The following XXYLT1 variants were observed in gnomAD, a reference collection of about 807,000 sequenced individuals.
The protein encoded by XXYLT1 is UDP-xylose:alpha-xyloside alpha-1,3-xylosyltransferase.
Under a neutral mutation model 28.9 loss-of-function variants are expected in XXYLT1, and 20 were observed. That is an observed-to-expected ratio of 0.69 (90% CI 0.49 to 1.00). XXYLT1 has a LOEUF of 1.00. XXYLT1 is among the 50% of genes least tolerant of loss of function. XXYLT1 has a pLI of 0.00. For synonymous variants in XXYLT1, 257 were observed against 253.8 expected (o/e 1.01, Z -0.12); for missense variants, 542 against 560.1 (o/e 0.97, Z 0.33).
chr3:195,220,453 C>T (rs1030368299), intron 2 of XXYLT1, among the ~76,000 whole-genome samples: 2 of 152,156 alleles, frequency 1.3e-5, no homozygotes, highest in Admixed American at 1.3e-4. Flanking sequence ...CGGGCCCATG[C>T]TCTTAACCAC....
chr3:195,155,613 G>C (rs1191201461), intron 3 of XXYLT1, among the ~76,000 whole-genome samples: 2 of 151,836 alleles, frequency 1.3e-5, no homozygotes, highest in Non-Finnish European at 2.9e-5. Flanking sequence ...AAGCTAAGTG[G>C]GGAACTGAGA....
chr3:195,173,494 A>C lies in XXYLT1; in HGVS notation c.653-16913T>G, dbSNP rs903107014. 6.6e-6 allele frequency among the ~76,000 whole-genome samples: 1 copy of C among 152,176 alleles called. No homozygotes were observed. Among genetic ancestry groups the C allele is most frequent in the African/African-American group, 2.4e-5 (1 of 41,424 alleles). On this transcript the variant is annotated intron_variant, in intron 2 of 3. Transcript: ENST00000310380. The surrounding 1 kb of genome is among the most constrained non-coding windows in gnomAD (Gnocchi z 4.3). ...AGCTCCCAGCACAGCCTTGCTATGC[A>C]CCTAAAAACGGACATGAAACTCTAT... is the stretch of plus-strand genomic sequence containing the variant.
chr3:195,221,042 G>C (rs1196090965), intron 2 of XXYLT1, among the ~76,000 whole-genome samples: 1 of 152,122 alleles, frequency 6.6e-6, no homozygotes, highest in Admixed American at 6.6e-5. Flanking sequence ...GATATGATGT[G>C]AGGGAAACAG....
chr3:195,184,829 C>G, intron 2 of XXYLT1: 1 of 984,878 alleles, frequency 1.0e-6, no homozygotes, highest in Non-Finnish European at 1.2e-6. Flanking sequence ...CCTTTCAGGC[C>G]AAATCATTCT....
intron 2 of XXYLT1, among the ~76,000 whole-genome samples, chr3:195,202,320 A>G (rs1722893376): frequency 6.6e-6 from 1 of 151,724 alleles, no homozygotes; most frequent in African/African-American, 2.4e-5. Flanking sequence ...AAAGATACCA[A>G]CATTGAGAAC....
intron 3 of XXYLT1, among the ~76,000 whole-genome samples, chr3:195,108,415 A>G (rs1259700616): frequency 6.6e-6 from 1 of 152,214 alleles, no homozygotes; most frequent in Admixed American, 6.5e-5. Context: ...TTTTTTAGAA[A>G]ATTGATTTCC....
At chr3:195,157,992 C>T (rs1452107996) in intron 2 of XXYLT1, among the ~76,000 whole-genome samples, 1 of 152,168 alleles carries the variant, frequency 6.6e-6, no homozygotes, top group Non-Finnish European at 1.5e-5. Context: ...CCTTGAGGAA[C>T]AGAATTCTGG....
chr3:195,253,572 C>T (rs1195541200), intron 1 of XXYLT1, among the ~76,000 whole-genome samples: 1 of 127,298 alleles, frequency 7.9e-6, no homozygotes, highest in African/African-American at 3.1e-5. Context: ...GATTTTGGTT[C>T]ACTGCAACCT....
At chr3:195,223,884 C>T (rs188318414) in intron 2 of XXYLT1, among the ~76,000 whole-genome samples, 23 of 152,240 alleles carry the variant, frequency 1.5e-4, no homozygotes, top group Non-Finnish European at 1.5e-5. Flanking sequence ...CTGCCGGGCG[C>T]GGTGGCTCAT....
intron 3 of XXYLT1, among the ~76,000 whole-genome samples, chr3:195,098,504 G>C (rs1023021032): frequency 6.6e-6 from 1 of 152,236 alleles, no homozygotes; most frequent in Non-Finnish European, 1.5e-5. Flanking sequence ...AGTGAGCGGA[G>C]ATCGTGCCAC....
chr3:195,247,893 G>C, intron 1 of XXYLT1: 2 of 683,426 alleles, frequency 2.9e-6, no homozygotes, highest in Non-Finnish European at 5.4e-6. Flanking sequence ...TCAAACAGCA[G>C]ATCTCCTGAG....
intron 2 of XXYLT1, among the ~76,000 whole-genome samples, chr3:195,157,458 T>C (rs1720663368): frequency 6.6e-6 from 1 of 152,176 alleles, no homozygotes; most frequent in African/African-American, 2.4e-5. Context: ...TTTAATCCAC[T>C]GCCTAAAAGA....
chr3:195,118,788 C>T (rs928752385), intron 3 of XXYLT1, among the ~76,000 whole-genome samples: 13 of 152,178 alleles, frequency 8.5e-5, no homozygotes, highest in African/African-American at 1.7e-4. Context: ...ACAGCTTTCA[C>T]GGGTAAAGAT....
chr3:195,181,918 G>T (rs1560139186), intron 2 of XXYLT1, among the ~76,000 whole-genome samples: 1 of 152,140 alleles, frequency 6.6e-6, no homozygotes, highest in Non-Finnish European at 1.5e-5. Context: ...GTCACCCAAG[G>T]TCTCCAATAA....
Position 195,174,569 on chromosome 3 carries a change from C to T in XXYLT1, c.653-17988G>A, listed in dbSNP as rs561801367. ...CCCAGGCTGGTCCTGAACTCCTGGG[C>T]TCAAGTGATCCTCCTGCCTCAGCCT... On this transcript the variant is annotated intron_variant, in intron 2 of 3. Transcript: ENST00000310380. Among the ~76,000 whole-genome samples the T allele has an allele frequency of 5.7e-4, 87 of 152,150 alleles. 1 individual carries two copies. The highest frequency in any genetic ancestry group is 2.0e-3 in the African/African-American group (81 of 41,500).
intron 2 of XXYLT1, among the ~76,000 whole-genome samples, chr3:195,178,223 T>C (rs1721770039): frequency 6.6e-6 from 1 of 152,100 alleles, no homozygotes; most frequent in Non-Finnish European, 1.5e-5. Context: ...AAAGTCTGGA[T>C]GCTCTCCCGC....
chr3:195,237,227 C>T (rs188960027), intron 1 of XXYLT1, among the ~76,000 whole-genome samples: 1 of 152,284 alleles, frequency 6.6e-6, no homozygotes, highest in African/African-American at 2.4e-5. Flanking sequence ...CCTATGGTAA[C>T]AAGGCTTGCT....
rs73890734 is a variant in XXYLT1, at chr3:195,195,914, T to C, written c.652+30795A>G. Reference sequence around the variant, plus strand: ...CAGGACCTCCAAGTCACAGTCCCTCTTTCTCCTCACTGCCTCAGTCTCCCT... The same window carrying C: ...CAGGACCTCCAAGTCACAGTCCCTCCTTCTCCTCACTGCCTCAGTCTCCCT... On this transcript the variant is annotated intron_variant, in intron 2 of 3. Coordinates refer to ENST00000310380, the MANE Select transcript of XXYLT1 (RefSeq NM_152531.5). This position sits in a 1 kb window ranked among gnomAD's most constrained non-coding sequence, Gnocchi z 4.4. Among the ~76,000 whole-genome samples, 7,822 of 152,212 alleles carry C rather than the reference T, an allele frequency of 0.051. 620 individuals are homozygous for C. Among genetic ancestry groups the C allele is most frequent in the African/African-American group, 0.18 (7,379 of 41,508 alleles).
At chr3:195,213,012 A>G (rs947562495) in intron 2 of XXYLT1, among the ~76,000 whole-genome samples, 1 of 152,208 alleles carries the variant, frequency 6.6e-6, no homozygotes, top group Non-Finnish European at 1.5e-5. Flanking sequence ...TGATCCACGG[A>G]AAGTCCTCCC....
Sources: allele counts gnomAD v4.1 joint callset (sites outside exome capture counted in the v4.1 genomes callset), GRCh38; gene constraint gnomAD v4.1.1; non-coding constraint Gnocchi (gnomAD v3.1); transcripts MANE v1.5; gene names NCBI Gene and HGNC (gene_info 2026-07-23, HGNC 2026-07-21).